GINM1: variants seen among roughly 807,000 people sequenced by gnomAD.
GINM1 encodes the protein glycosylated integral membrane protein 1.
Under a neutral mutation model 37.8 loss-of-function variants are expected in GINM1, and 29 were observed. That is an observed-to-expected ratio of 0.77 (90% CI 0.57 to 1.05). The LOEUF (loss-of-function observed/expected upper bound fraction) is 1.05. GINM1 is among the 50% of genes least tolerant of loss of function. The pLI, the probability that GINM1 is intolerant of heterozygous loss-of-function variation, is 0.00. For missense variants in GINM1, 377 were observed against 397.9 expected, an observed-to-expected ratio of 0.95 and a Z score of 0.45; for synonymous variants, 143 against 146.2, an observed-to-expected ratio of 0.98 and a Z score of 0.16.
chr6:149,567,448 T>G (rs1221129550), intron 1 of GINM1, among the ~76,000 whole-genome samples: 1 of 152,068 alleles, frequency 6.6e-6, no homozygotes, highest in Non-Finnish European at 1.5e-5. Flanking sequence ...AAGTGTCACT[T>G]TGACCAACAA....
At chr6:149,585,421 CATA>C (rs1255400052) in intron 7 of GINM1, among the ~76,000 whole-genome samples, 1 of 152,042 alleles carries the variant, frequency 6.6e-6, no homozygotes, top group Admixed American at 6.6e-5. Context: ...ACTAGATAAT[CATA>C]ATTGTTTATC....
Position 149,591,236 on chromosome 6 carries a change from G to C in GINM1, c.*398G>C, listed in dbSNP as rs538445132. ...GAACCCGGGAGGCGGAGGCTGCAGT[G>C]AGCCAAGATCACGCCACTGCACTCC... On this transcript the variant is annotated 3_prime_UTR_variant, in exon 8 of 8. Transcript: ENST00000367419. The C allele has an allele frequency of 6.4e-6, 1 of 155,872 alleles. No individual in the cohort carries two copies. The highest frequency in any genetic ancestry group is 1.9e-4 in the South Asian group (1 of 5,196). The allele number at this position is 155,872 out of a possible 1,614,324, so 9.7% of individuals were successfully genotyped here. A position where few individuals can be genotyped will look rare whatever the true frequency, so the allele number is the denominator to read the frequency against.
chr6:149,588,159 C>A (rs540782183), intron 7 of GINM1, among the ~76,000 whole-genome samples: 2 of 152,162 alleles, frequency 1.3e-5, no homozygotes, highest in African/African-American at 2.4e-5. Flanking sequence ...AGTAAAATTA[C>A]TGTGTCACAA....
chr6:149,580,989 T>C (rs1777992288), intron 6 of GINM1, among the ~76,000 whole-genome samples: 2 of 152,208 alleles, frequency 1.3e-5, no homozygotes, highest in South Asian at 4.1e-4. Context: ...ATTTCTCATA[T>C]CCAGATTTCT....
chr6:149,590,911 TAA>T lies in GINM1; in HGVS notation c.*75_*76del. 1 of 700,278 alleles carries T rather than the reference TAA, an allele frequency of 1.4e-6. No individual in the cohort carries two copies. Among genetic ancestry groups the T allele is most frequent in the Non-Finnish European group, 2.5e-6 (1 of 398,126 alleles). The allele number at this position is 700,278 out of a possible 1,614,324, so 43.4% of individuals were successfully genotyped here. A position where few individuals can be genotyped will look rare whatever the true frequency, so the allele number is the denominator to read the frequency against. On this transcript the variant is annotated 3_prime_UTR_variant, in exon 8 of 8. Transcript: ENST00000367419. Reference sequence around the variant, plus strand: ...TTTGCCACTTGAATATAATTTTCTTTAAATCGTTAAGAATCAGTTTATACACT... The same window carrying T: ...TTTGCCACTTGAATATAATTTTCTTTATCGTTAAGAATCAGTTTATACACT...
rs752265050 is a variant in GINM1, at chr6:149,583,697, ATT to A, written c.881+1097_881+1098del. Among the ~76,000 whole-genome samples, 6 of 151,864 alleles carry A rather than the reference ATT, an allele frequency of 4.0e-5. No homozygotes were observed. The East Asian group carries it at 1.2e-3, about 29-fold the overall frequency. ...CTGTATATCAGTGAGGTCTAATGAG[ATT>A]TTCTCTGGCTGAATAAGTCCAAAAT... On this transcript the variant is annotated intron_variant, in intron 7 of 7. Coordinates refer to ENST00000367419, the MANE Select transcript of GINM1 (RefSeq NM_138785.5).
In GINM1 at chr6:149,572,545, T is replaced by C. The variant is rs1232330546; in HGVS notation, c.219T>C (p.Tyr73=). 4 of 1,607,528 alleles carry C rather than the reference T, an allele frequency of 2.5e-6. No homozygotes were observed. The highest frequency in any genetic ancestry group is 1.1e-5 in the South Asian group (1 of 90,640). ...LNITYESGQV[Y]VNDLPVNSGV... is the part of the protein sequence containing the mutation. Reference sequence around the variant, plus strand: ...TAACCTATGAGAGTGGACAGGTGTATGTAAATGACTTACCTGTAAATAGTG... The same window carrying C: ...TAACCTATGAGAGTGGACAGGTGTACGTAAATGACTTACCTGTAAATAGTG... The change falls in exon 3 of 8, where the codon TAT becomes TAC. Residue 73 remains tyrosine (Y), a synonymous_variant. Transcript: ENST00000367419.
intron 1 of GINM1, among the ~76,000 whole-genome samples, chr6:149,569,266 C>T (rs1777771459): frequency 6.6e-6 from 1 of 150,622 alleles, no homozygotes; most frequent in African/African-American, 2.4e-5. Flanking sequence ...GAACTCCTGA[C>T]CTCAAGTGAT....
chr6:149,574,157 T>C (rs1336083487), intron 3 of GINM1, among the ~76,000 whole-genome samples: 1 of 141,608 alleles, frequency 7.1e-6, no homozygotes. Flanking sequence ...TTCAAGTGAT[T>C]CTCCTGCCTC....
intron 1 of GINM1, among the ~76,000 whole-genome samples, chr6:149,571,290 G>T (rs1453809173): frequency 1.3e-5 from 2 of 148,492 alleles, no homozygotes; most frequent in Non-Finnish European, 3.0e-5. Context: ...TCTAGCCTGG[G>T]CAACAGAGCG....
chr6:149,591,108 G>A lies in GINM1; in HGVS notation c.*270G>A. 4.0e-6 allele frequency: 1 copy of A among 249,366 alleles called. No homozygotes were observed. The highest frequency in any genetic ancestry group is 8.8e-5 in the East Asian group (1 of 11,370). 15.4% of individuals were successfully genotyped at this position (249,366 alleles called of 1,614,324 possible). On this transcript the variant is annotated 3_prime_UTR_variant, in exon 8 of 8. Coordinates refer to ENST00000367419, the MANE Select transcript of GINM1 (RefSeq NM_138785.5). The stretch of plus-strand genomic sequence containing the variant: ...AGATCAAGACCATCCTGCCAACATG[G>A]TGAAACCCTGTCTCTACTAAAAAAA...
intron 7 of GINM1, among the ~76,000 whole-genome samples, chr6:149,590,254 G>A (rs947734104): frequency 1.2e-4 from 18 of 152,134 alleles, no homozygotes; most frequent in Admixed American, 3.3e-4. Flanking sequence ...ACTAACCCCC[G>A]TTGATGTTCT....
At chr6:149,568,418 T>C (rs996268934) in intron 1 of GINM1, among the ~76,000 whole-genome samples, 4 of 152,270 alleles carry the variant, frequency 2.6e-5, no homozygotes, top group African/African-American at 4.8e-5. Flanking sequence ...CCACATATTG[T>C]GTAAGTGCTG....
chr6:149,567,409 ACT>A (rs987645601), intron 1 of GINM1, among the ~76,000 whole-genome samples: 3 of 152,026 alleles, frequency 2.0e-5, no homozygotes, highest in African/African-American at 7.2e-5. Context: ...GAATATGAAC[ACT>A]CTAAATACAA....
At chr6:149,588,010 A>G (rs1421533137) in intron 7 of GINM1, among the ~76,000 whole-genome samples, 2 of 152,248 alleles carry the variant, frequency 1.3e-5, no homozygotes, top group African/African-American at 2.4e-5. Flanking sequence ...GTTCCACAGT[A>G]TAGATATACC....
chr6:149,570,601 GAATCA>G (rs1777804879), intron 1 of GINM1, among the ~76,000 whole-genome samples: 1 of 151,960 alleles, frequency 6.6e-6, no homozygotes, highest in Non-Finnish European at 1.5e-5. Flanking sequence ...ATTATTCCTG[GAATCA>G]GCTCGACCTC....
In GINM1 at chr6:149,566,465, G is replaced by A. The variant is rs760842050; in HGVS notation, c.51G>A (p.Val17=). 1.9e-6 allele frequency: 3 copies of A among 1,568,054 alleles called. No homozygotes were observed. The highest frequency in any genetic ancestry group is 2.6e-6 in the Non-Finnish European group (3 of 1,167,794). The change falls in exon 1 of 8, where the codon GTG becomes GTA. Residue 17 remains valine (V), a synonymous_variant. Transcript: ENST00000367419. This position sits in a 1 kb window ranked among gnomAD's most constrained non-coding sequence, Gnocchi z 4.4. ...TCGCCCTCCGGCTCCTGCTGTTCGT[G>A]GCGCTACCCGCCTCCGGCTGGCTGA... ...GSLALRLLLF[V]ALPASGWLTT...
intron 3 of GINM1, among the ~76,000 whole-genome samples, chr6:149,574,055 T>G (rs1343660924): frequency 6.6e-6 from 1 of 151,186 alleles, no homozygotes; most frequent in African/African-American, 2.4e-5. Flanking sequence ...GGATTTTTTT[T>G]TTTTTTTTTT....
intron 3 of GINM1, among the ~76,000 whole-genome samples, chr6:149,576,675 A>C (rs1166081940): frequency 6.6e-6 from 1 of 152,190 alleles, no homozygotes; most frequent in Non-Finnish European, 1.5e-5. Flanking sequence ...AGCCCACTTG[A>C]GGGAGGAATT....
Sources: gnomAD v4.1 joint callset for allele counts (sites outside exome capture counted in the v4.1 genomes callset) on GRCh38, gnomAD v4.1.1 for gene constraint, Gnocchi (gnomAD v3.1) non-coding constraint, MANE v1.5 for transcripts, NCBI Gene and HGNC (gene_info 2026-07-23, HGNC 2026-07-21) for gene names.